RALGPS1: variants seen among roughly 807,000 people sequenced by gnomAD.
RALGPS1 encodes the protein ras-specific guanine nucleotide-releasing factor RalGPS1.
In RALGPS1, 19 loss-of-function variants were observed where a neutral mutation model predicts 78.8. That is an observed-to-expected ratio of 0.24 (90% CI 0.17 to 0.35). The LOEUF (loss-of-function observed/expected upper bound fraction) is 0.35. RALGPS1 is among the 10% of genes least tolerant of loss of function. The pLI is 1.00. For synonymous variants in RALGPS1, 228 were observed against 256.3 expected, an observed-to-expected ratio of 0.89 and a Z score of 1.06; for missense variants, 454 against 688.3, an observed-to-expected ratio of 0.66 and a Z score of 3.81.
At chr9:127,129,815 CCTGGG>C (rs1217996461) in intron 8 of RALGPS1, among the ~76,000 whole-genome samples, 3 of 152,224 alleles carry the variant, frequency 2.0e-5, no homozygotes, top group Non-Finnish European at 4.4e-5. Flanking sequence ...CTCTTCCCTC[CCTGGG>C]CTGGGCTGGG....
intron 5 of RALGPS1, among the ~76,000 whole-genome samples, chr9:127,041,178 G>A (rs151077831): frequency 3.9e-5 from 6 of 151,906 alleles, no homozygotes; most frequent in Non-Finnish European, 7.4e-5. Flanking sequence ...TGCAACCTCC[G>A]CCTCCTGGAT....
intron 9 of RALGPS1, among the ~76,000 whole-genome samples, chr9:127,167,286 CT>C: frequency 6.6e-6 from 1 of 152,220 alleles, no homozygotes; most frequent in Non-Finnish European, 1.5e-5. Context: ...GGTTCCCACA[CT>C]TCAGGGCCGC....
intron 8 of RALGPS1, among the ~76,000 whole-genome samples, chr9:127,111,356 C>T (rs943164422): frequency 1.1e-4 from 17 of 152,220 alleles, no homozygotes; most frequent in African/African-American, 4.1e-4. Context: ...CCTCCCCGTT[C>T]CCTTGAATGC....
intron 1 of RALGPS1, among the ~76,000 whole-genome samples, chr9:126,954,532 A>G (rs1264837765): frequency 6.6e-6 from 1 of 152,204 alleles, no homozygotes; most frequent in East Asian, 1.9e-4. Flanking sequence ...TATGCCTGTA[A>G]TCCCAGCACT....
intron 5 of RALGPS1, among the ~76,000 whole-genome samples, chr9:127,044,061 A>G (rs1034364149): frequency 6.6e-6 from 1 of 152,190 alleles, no homozygotes; most frequent in East Asian, 1.9e-4. Flanking sequence ...ACTTATATCC[A>G]CACACAAAAA....
At chr9:127,097,972 A>C (rs2053319366) in intron 8 of RALGPS1, among the ~76,000 whole-genome samples, 1 of 152,240 alleles carries the variant, frequency 6.6e-6, no homozygotes, top group South Asian at 2.1e-4. Flanking sequence ...AGCGGCCAGC[A>C]TGGGAGCCAG....
At chr9:126,981,519 C>T (rs2041245440) in intron 4 of RALGPS1, among the ~76,000 whole-genome samples, 1 of 152,194 alleles carries the variant, frequency 6.6e-6, no homozygotes, top group African/African-American at 2.4e-5. Flanking sequence ...GCTCACTATG[C>T]ACAGGGTTGA....
intron 1 of RALGPS1, among the ~76,000 whole-genome samples, chr9:126,942,058 G>T (rs1039874089): frequency 1.3e-5 from 2 of 152,204 alleles, no homozygotes; most frequent in Non-Finnish European, 2.9e-5. Context: ...GAAAGCTGAG[G>T]TTTAGAGAGA....
chr9:127,150,498 C>G (rs2058355116), intron 8 of RALGPS1, among the ~76,000 whole-genome samples: 2 of 152,334 alleles, frequency 1.3e-5, no homozygotes, highest in South Asian at 4.1e-4. Flanking sequence ...TTTACCACCC[C>G]CCTCACCCCA....
intron 2 of RALGPS1, among the ~76,000 whole-genome samples, chr9:126,964,828 A>T (rs1015396441): frequency 1.7e-4 from 26 of 152,212 alleles, no homozygotes; most frequent in African/African-American, 6.0e-4. Context: ...TTTCAGGAAG[A>T]TTACAAAGTT....
At chr9:127,138,146 A>G (rs1425891042) in intron 8 of RALGPS1, among the ~76,000 whole-genome samples, 1 of 152,194 alleles carries the variant, frequency 6.6e-6, no homozygotes, top group Non-Finnish European at 1.5e-5. Context: ...CTCCCCGGGT[A>G]GCGAACATGT....
intron 4 of RALGPS1, among the ~76,000 whole-genome samples, chr9:126,989,373 A>G (rs1358182368): frequency 6.6e-6 from 1 of 152,196 alleles, no homozygotes; most frequent in African/African-American, 2.4e-5. Flanking sequence ...GGAAGACTCA[A>G]GCCAGAGCTA....
At chr9:126,927,881 C>T (rs887747470) in intron 1 of RALGPS1, among the ~76,000 whole-genome samples, 11 of 152,148 alleles carry the variant, frequency 7.2e-5, no homozygotes, top group Admixed American at 2.0e-4. Flanking sequence ...TAGACTAACG[C>T]GATGCGTGGG....
At chr9:127,166,630 G>A (rs2059306010) in intron 9 of RALGPS1, among the ~76,000 whole-genome samples, 1 of 152,188 alleles carries the variant, frequency 6.6e-6, no homozygotes, top group African/African-American at 2.4e-5. Context: ...GCATCCAGCT[G>A]GCAGGTGCAG....
At position 127,221,314 on chromosome 9, in the gene RALGPS1, T is replaced by C. The variant is rs2062767759; in HGVS notation, c.*2545T>C. On this transcript the variant is annotated 3_prime_UTR_variant, in exon 19 of 19. Coordinates refer to ENST00000259351, the MANE Select transcript of RALGPS1 (RefSeq NM_014636.3). ...TTTTGCTCCTTGACTGTCCAGAGTGTACAAATGTTCATAACGCCATTGAAG... is the reference window on the plus strand; with the variant it reads ...TTTTGCTCCTTGACTGTCCAGAGTGCACAAATGTTCATAACGCCATTGAAG... 6.6e-6 allele frequency: 1 copy of C among 152,246 alleles called. No individual in the cohort carries two copies. The highest frequency in any genetic ancestry group is 1.5e-5 in the Non-Finnish European group (1 of 68,042). 9.4% of individuals were successfully genotyped at this position (152,246 alleles called of 1,614,324 possible).
intron 11 of RALGPS1, among the ~76,000 whole-genome samples, chr9:127,175,622 C>A (rs1289705159): frequency 6.6e-6 from 1 of 151,550 alleles, no homozygotes; most frequent in Admixed American, 6.6e-5. Flanking sequence ...GTCATACCAC[C>A]CTGGGTTCTA....
At chr9:127,181,656 T>A (rs2060230642) in intron 11 of RALGPS1, among the ~76,000 whole-genome samples, 1 of 152,136 alleles carries the variant, frequency 6.6e-6, no homozygotes, top group Non-Finnish European at 1.5e-5. Flanking sequence ...CTAATCTCCT[T>A]GTTACAACCT....
Position 127,222,202 on chromosome 9 carries a change from C to A in RALGPS1, c.*3433C>A, listed in dbSNP as rs1281698648. ...AACAAACAGTCCCCACCACACCTAT[C>A]TCCTTAGGCAAGACTTTGCCTCTCT... On this transcript the variant is annotated 3_prime_UTR_variant, in exon 19 of 19. Coordinates refer to ENST00000259351, the MANE Select transcript of RALGPS1 (RefSeq NM_014636.3). The A allele has an allele frequency of 6.6e-6, 1 of 152,298 alleles. No individual in the cohort carries two copies. The highest frequency in any genetic ancestry group is 2.4e-5 in the African/African-American group (1 of 41,462). 9.4% of individuals were successfully genotyped at this position (152,298 alleles called of 1,614,324 possible). A position where few individuals can be genotyped will look rare whatever the true frequency, so the allele number is the denominator to read the frequency against.
intron 8 of RALGPS1, among the ~76,000 whole-genome samples, chr9:127,102,678 A>G (rs2053852017): frequency 6.6e-6 from 1 of 152,268 alleles, no homozygotes. Flanking sequence ...CAGTTCCCCA[A>G]GGTACCAGAA....
Sources: gnomAD v4.1 joint callset for allele counts (sites outside exome capture counted in the v4.1 genomes callset) on GRCh38, gnomAD v4.1.1 for gene constraint, MANE v1.5 for transcripts, NCBI Gene and HGNC (gene_info 2026-07-23, HGNC 2026-07-21) for gene names.